Variants in MSTO1 observed in about 807,000 individuals in gnomAD.
MSTO1 encodes misato mitochondrial distribution and morphology regulator 1, also known as protein misato homolog 1.
Under a neutral mutation model 55.7 loss-of-function variants are expected in MSTO1, and 24 were observed. That is an observed-to-expected ratio of 0.43 (90% CI 0.31 to 0.61). MSTO1 has a LOEUF of 0.61. Ranked by LOEUF, MSTO1 falls within the 20% of genes least tolerant of loss-of-function variation. MSTO1 has a pLI of 0.09. For synonymous variants in MSTO1, 162 were observed against 252.8 expected (o/e 0.64, Z 3.41); for missense variants, 363 against 625.7 (o/e 0.58, Z 4.48).
At chr1:155,609,244 T>TATATATATATA (rs1553289697), upstream of MSTO1, among the ~76,000 whole-genome samples, 35 of 15,036 alleles carry the variant, frequency 2.3e-3, no homozygotes, top group Non-Finnish European at 4.5e-3. Flanking sequence ...TATATATATA[T>TATATATATATA]TTTTTTTTTT....
At chr1:155,603,794 G>A in the MSTO1 span, among the ~76,000 whole-genome samples, 1 of 152,102 alleles carries the variant, frequency 6.6e-6, no homozygotes, top group African/African-American at 2.4e-5. Flanking sequence ...GGAGGCAGAG[G>A]TTGCAGTGAG....
chr1:155,610,263 C>T lies in MSTO1; in HGVS notation c.15C>T (p.Ala5=). The change falls in exon 1 of 14, where the codon GCC becomes GCT. Residue 5 remains alanine (A), a synonymous_variant. Coordinates refer to ENST00000245564, the MANE Select transcript of MSTO1 (RefSeq NM_018116.4). MAGG[A]REVLTLQLGH... ...AGCAGCGCAGTATGGCGGGCGGGGC[C>T]CGGGAGGTGCTCACACTGCAGTTGG... 1 of 778,238 alleles carries T rather than the reference C, an allele frequency of 1.3e-6. No homozygotes were observed. Among genetic ancestry groups the T allele is most frequent in the Non-Finnish European group, 2.1e-6 (1 of 483,434 alleles). The allele number at this position is 778,238 out of a possible 1,614,324, so 48.2% of individuals were successfully genotyped here. A position where few individuals can be genotyped will look rare whatever the true frequency, so the allele number is the denominator to read the frequency against.
chr1:155,590,617 G>A, the MSTO1 span: 1 of 1,349,912 alleles, frequency 7.4e-7, no homozygotes, highest in Non-Finnish European at 1.0e-6. Context: ...GTAATTCTTG[G>A]TAGGGTACTC....
chr1:155,603,409 A>T, the MSTO1 span, among the ~76,000 whole-genome samples: 2 of 152,140 alleles, frequency 1.3e-5, no homozygotes, highest in Non-Finnish European at 2.9e-5. Flanking sequence ...AACAAAAGAA[A>T]ATAAAAGAAA....
chr1:155,563,820 G>A, the MSTO1 span: 1 of 346,460 alleles, frequency 2.9e-6, no homozygotes, highest in Admixed American at 4.0e-5. Context: ...TTAGCTCCTA[G>A]GCATAGGGAA....
chr1:155,606,624 C>A (rs1672939909), upstream of MSTO1, among the ~76,000 whole-genome samples: 2 of 151,266 alleles, frequency 1.3e-5, no homozygotes, highest in South Asian at 4.2e-4. Flanking sequence ...CAAATCCTGA[C>A]CTCAGGTGAT....
chr1:155,570,559 C>T, the MSTO1 span, among the ~76,000 whole-genome samples: 94 of 152,250 alleles, frequency 6.2e-4, no homozygotes, highest in African/African-American at 2.2e-3. Context: ...TTTATCTTAT[C>T]TTATAAGCGT....
the MSTO1 span, among the ~76,000 whole-genome samples, chr1:155,603,295 G>A: frequency 6.6e-6 from 1 of 152,094 alleles, no homozygotes; most frequent in East Asian, 1.9e-4. Flanking sequence ...TACTCAGGGG[G>A]CTGAGGCAGG....
chr1:155,572,042 C>CAAA, the MSTO1 span, among the ~76,000 whole-genome samples: 1 of 77,824 alleles, frequency 1.3e-5, no homozygotes, highest in African/African-American at 4.8e-5. Context: ...ACTCTTGTCT[C>CAAA]AAAAAAAAAA....
chr1:155,591,342 G>A, the MSTO1 span: 34 of 1,102,088 alleles, frequency 3.1e-5, no homozygotes, highest in Middle Eastern at 2.1e-4. Context: ...TAACCATCAC[G>A]GTGATCTTCT....
the MSTO1 span, among the ~76,000 whole-genome samples, chr1:155,587,439 CAAAAAAAAAAAAAA>C: frequency 9.5e-5 from 5 of 52,676 alleles, no homozygotes; most frequent in Non-Finnish European, 1.4e-4. Context: ...GACTACGTCT[CAAAAAAAAAAAAAA>C]AAAAAAAAGG....
chr1:155,608,356 G>A (rs1673004661), upstream of MSTO1, among the ~76,000 whole-genome samples: 1 of 152,154 alleles, frequency 6.6e-6, no homozygotes, highest in South Asian at 2.1e-4. Flanking sequence ...AGGATAGGGG[G>A]AGGGGGAGTC....
chr1:155,594,530 CT>C, the MSTO1 span, among the ~76,000 whole-genome samples: 2 of 152,066 alleles, frequency 1.3e-5, no homozygotes, highest in Non-Finnish European at 2.9e-5. Context: ...AAACTAGAAA[CT>C]TGAATTGAAG....
In MSTO1 at chr1:155,612,092, T is replaced by G. The variant is rs1674222640; in HGVS notation, c.670T>G (p.Tyr224Asp). The G allele has an allele frequency of 6.2e-7, 1 of 1,611,758 alleles. No individual in the cohort carries two copies. The highest frequency in any genetic ancestry group is 8.5e-7 in the Non-Finnish European group (1 of 1,179,478). ...GCATTTCTACGTGGAGGAATGTGAC[T>G]ACTTGCAGGTAGTGGCGTGGCAATG... ...RLHFYVEECDYLQGFQILCDL... is the reference protein window; with the variant it reads ...RLHFYVEECDDLQGFQILCDL... Residue 224 changes from tyrosine (Y) to aspartate (D), a missense_variant, in exon 7 of 14, where the codon TAC becomes GAC. Tyr to Asp is a radical substitution (Grantham distance 160). Transcript: ENST00000245564.
the MSTO1 span, among the ~76,000 whole-genome samples, chr1:155,594,435 A>G: frequency 2.6e-5 from 4 of 152,036 alleles, no homozygotes; most frequent in Non-Finnish European, 5.9e-5. Flanking sequence ...AAATAAATGG[A>G]GAGAGAGGGA....
chr1:155,571,868 C>T, the MSTO1 span, among the ~76,000 whole-genome samples: 1 of 151,786 alleles, frequency 6.6e-6, no homozygotes, highest in Non-Finnish European at 1.5e-5. Flanking sequence ...ATGGTGAAAC[C>T]TCATCTCTAC....
chr1:155,591,824 TA>T, the MSTO1 span, among the ~76,000 whole-genome samples: 1 of 151,914 alleles, frequency 6.6e-6, no homozygotes. Context: ...TGCTAGCTTC[TA>T]ATTTGCTTCA....
chr1:155,604,180 C>G, the MSTO1 span, among the ~76,000 whole-genome samples: 1 of 152,180 alleles, frequency 6.6e-6, no homozygotes, highest in Non-Finnish European at 1.5e-5. Context: ...CTGCATGGGT[C>G]CACTTATTCA....
In MSTO1 at chr1:155,612,756, C is replaced by A. The variant is rs1381384615; in HGVS notation, c.967-88C>A. 1.9e-6 allele frequency: 3 copies of A among 1,544,420 alleles called. No individual in the cohort carries two copies. In the East Asian group the frequency reaches 6.8e-5, roughly 35 times the overall value. ...GGGTCAAACATACCCCTGATTCGTC[C>A]CCTGGGTCTCTCTGGTGTTAATATT... On this transcript the variant is annotated intron_variant, in intron 9 of 13. Transcript: ENST00000245564.
Sources: gnomAD v4.1 joint callset for allele counts (sites outside exome capture counted in the v4.1 genomes callset) on GRCh38, gnomAD v4.1.1 for gene constraint, MANE v1.5 for transcripts, NCBI Gene and HGNC (gene_info 2026-07-23, HGNC 2026-07-21) for gene names.